CA12: variants seen among roughly 807,000 people sequenced by gnomAD.
CA12 encodes the protein carbonic anhydrase 12.
Under a neutral mutation model 46.8 loss-of-function variants are expected in CA12, and 36 were observed. The observed-to-expected ratio is 0.77, with a 90% CI of 0.59 to 1.02. The LOEUF is 1.02. CA12 is among the 50% of genes least tolerant of loss of function. The pLI is 0.00. For synonymous variants in CA12, 202 were observed against 187.0 expected, an observed-to-expected ratio of 1.08 and a Z score of -0.65; for missense variants, 436 against 451.4, an observed-to-expected ratio of 0.97 and a Z score of 0.31.
intron 2 of CA12, among the ~76,000 whole-genome samples, chr15:63,358,542 A>G (rs2039320518): frequency 6.6e-6 from 1 of 152,146 alleles, no homozygotes; most frequent in Admixed American, 6.5e-5. Flanking sequence ...CTGGCTGACA[A>G]AAAAATGCTC....
chr15:63,356,837 G>T (rs375037068), intron 2 of CA12, among the ~76,000 whole-genome samples: 1 of 152,162 alleles, frequency 6.6e-6, no homozygotes, highest in Non-Finnish European at 1.5e-5. Flanking sequence ...CCTAGATATA[G>T]ATCCCAAAGT....
chr15:63,357,354 G>T (rs1378289167), intron 2 of CA12, among the ~76,000 whole-genome samples: 1 of 152,136 alleles, frequency 6.6e-6, no homozygotes, highest in Admixed American at 6.6e-5. Context: ...GCTGCTGCTG[G>T]GTCCAGGAAC....
rs1032621953 is a variant in CA12 at position 63,331,005 on chromosome 15, T to G, written c.875-2875A>C. Among the ~76,000 whole-genome samples the G allele has an allele frequency of 6.6e-6, 1 of 152,156 alleles. No homozygotes were observed. The highest frequency in any genetic ancestry group is 6.5e-5 in the Admixed American group (1 of 15,274). On this transcript the variant is annotated intron_variant, in intron 8 of 10. Transcript: ENST00000178638. The surrounding 1 kb of genome is among the most constrained non-coding windows in gnomAD (Gnocchi z 5.3). ...TGACTGAGCCAACATCATAAGCTGTTAAGGAAGAGGAATGCCGGCGAGGGT... is the reference window on the plus strand; with the variant it reads ...TGACTGAGCCAACATCATAAGCTGTGAAGGAAGAGGAATGCCGGCGAGGGT...
chr15:63,345,674 A>T lies in CA12; in HGVS notation c.287-55T>A. 2 of 1,581,700 alleles carry T rather than the reference A, an allele frequency of 1.3e-6. No homozygotes were observed. Among genetic ancestry groups the T allele is most frequent in the Non-Finnish European group, 1.7e-6 (2 of 1,169,128 alleles). The stretch of plus-strand genomic sequence containing the variant: ...GCCCCGGCCAGCTGTGCACTGCCAG[A>T]GAGCAGTCAGGTAGGCAATGCTCCC... On this transcript the variant is annotated intron_variant, in intron 3 of 10. Coordinates refer to ENST00000178638, the MANE Select transcript of CA12 (RefSeq NM_001218.5). This position sits in a 1 kb window ranked among gnomAD's most constrained non-coding sequence, Gnocchi z 4.3.
chr15:63,340,255 G>A lies in CA12; in HGVS notation c.747+33C>T, dbSNP rs201409096. 1.2e-6 allele frequency: 2 copies of A among 1,613,220 alleles called. No homozygotes were observed. Among genetic ancestry groups the A allele is most frequent in the Non-Finnish European group, 1.7e-6 (2 of 1,179,220 alleles). ...AGGATGATGGGGACTGAGGTGCCGC[G>A]TGGACTCTGGCTGAGTCTGGCACGA... On this transcript the variant is annotated intron_variant, in intron 7 of 10. Coordinates refer to ENST00000178638, the MANE Select transcript of CA12 (RefSeq NM_001218.5). The surrounding 1 kb of genome is among the most constrained non-coding windows in gnomAD (Gnocchi z 4.4).
At chr15:63,357,614 C>T (rs945510671) in intron 2 of CA12, among the ~76,000 whole-genome samples, 7 of 151,946 alleles carry the variant, frequency 4.6e-5, no homozygotes, top group Non-Finnish European at 8.8e-5. Context: ...AGAGTCAGGG[C>T]CTTTTTCTCT....
chr15:63,333,296 C>A (rs776769645), intron 8 of CA12, among the ~76,000 whole-genome samples: 1 of 152,264 alleles, frequency 6.6e-6, no homozygotes, highest in South Asian at 2.1e-4. Context: ...GTCTGCCCAG[C>A]CCCTTTTCCC....
chr15:63,375,535 C>T (rs949437295), intron 2 of CA12, 123 bp downstream of exon 2: 123 of 690,540 alleles, frequency 1.8e-4, no homozygotes, highest in Admixed American at 7.5e-5. Context: ...TTCTACAATA[C>T]AAGAACTGTG....
chr15:63,333,216 A>G (rs1254889124), intron 8 of CA12, among the ~76,000 whole-genome samples: 2 of 152,224 alleles, frequency 1.3e-5, no homozygotes, highest in East Asian at 3.8e-4. Flanking sequence ...CTAAGAGGGC[A>G]GGGATGGGGC....
In CA12 at chr15:63,381,736, CG is replaced by C. The variant is rs1372329417; in HGVS notation, c.-17del. 14 of 1,560,884 alleles carry C rather than the reference CG, an allele frequency of 9.0e-6. No homozygotes were observed. In the South Asian group the frequency reaches 1.5e-4, roughly 17 times the overall value. ...GCCGGGGCATCTTCGCGGGCTCCTG[CG>C]GGGCGGGCGCGGGCTGTGCCGGGGG... is the stretch of plus-strand genomic sequence containing the variant. On this transcript the variant is annotated 5_prime_UTR_variant, in exon 1 of 11. Transcript: ENST00000178638.
Position 63,328,873 on chromosome 15 carries a change from G to A in CA12, c.875-743C>T, listed in dbSNP as rs1474075679. Among the ~76,000 whole-genome samples the A allele has an allele frequency of 6.6e-6, 1 of 152,066 alleles. No homozygotes were observed. Among genetic ancestry groups the A allele is most frequent in the African/African-American group, 2.4e-5 (1 of 41,380 alleles). ...GCACCACAACGCTTGGCTAATTTTT[G>A]TATTTTTAGTAGAGATGGGGTTTTG... On this transcript the variant is annotated intron_variant, in intron 8 of 10. Coordinates refer to ENST00000178638, the MANE Select transcript of CA12 (RefSeq NM_001218.5). The surrounding 1 kb of genome is among the most constrained non-coding windows in gnomAD (Gnocchi z 5.9).
In CA12 at chr15:63,326,241, C is replaced by T. The variant is rs748604832; in HGVS notation, c.*44G>A. On this transcript the variant is annotated 3_prime_UTR_variant, in exon 11 of 11. Transcript: ENST00000178638. The stretch of plus-strand genomic sequence containing the variant: ...CCAGAGAGCCGAAGTGTGTAGGGTC[C>T]AAAGCAAGGTCCTTCCTGGATGTGC... 1 of 1,502,728 alleles carries T rather than the reference C, an allele frequency of 6.7e-7. No homozygotes were observed. Among genetic ancestry groups the T allele is most frequent in the Non-Finnish European group, 9.3e-7 (1 of 1,078,680 alleles). 93.1% of individuals were successfully genotyped at this position (1,502,728 alleles called of 1,614,324 possible). A position where few individuals can be genotyped will look rare whatever the true frequency, so the allele number is the denominator to read the frequency against.
At chr15:63,368,843 T>G (rs978921117) in intron 2 of CA12, among the ~76,000 whole-genome samples, 3 of 148,636 alleles carry the variant, frequency 2.0e-5, no homozygotes, top group African/African-American at 5.0e-5. Flanking sequence ...GAGGCTAGGC[T>G]GGTGTCAATC....
chr15:63,355,973 T>G lies in CA12; in HGVS notation c.107-9264A>C, dbSNP rs1255822849. 6.6e-6 allele frequency among the ~76,000 whole-genome samples: 1 copy of G among 152,230 alleles called. No homozygotes were observed. Among genetic ancestry groups the G allele is most frequent in the Non-Finnish European group, 1.5e-5 (1 of 68,034 alleles). The stretch of plus-strand genomic sequence containing the variant: ...AGAAAGGACTACAGATACCGTCTTT[T>G]TCATGCACTGTTATATGCATAACAT... On this transcript the variant is annotated intron_variant, in intron 2 of 10. Transcript: ENST00000178638. This position sits in a 1 kb window ranked among gnomAD's most constrained non-coding sequence, Gnocchi z 4.1.
At chr15:63,333,511 G>A (rs571100736) in intron 8 of CA12, among the ~76,000 whole-genome samples, 16 of 152,358 alleles carry the variant, frequency 1.1e-4, no homozygotes, top group Non-Finnish European at 7.3e-5. Flanking sequence ...CCAGACCAGC[G>A]ACTGAAGGTG....
chr15:63,361,862 T>A (rs756841737), intron 2 of CA12, among the ~76,000 whole-genome samples: 3 of 152,216 alleles, frequency 2.0e-5, no homozygotes, highest in Non-Finnish European at 2.9e-5. Flanking sequence ...GTGTTAGATG[T>A]TCCTTTTAGG....
rs1240889539 is a variant in CA12, at chr15:63,325,701, G to A, written c.*584C>T. The A allele has an allele frequency of 5.7e-6, 1 of 176,120 alleles. No individual in the cohort carries two copies. Among genetic ancestry groups the A allele is most frequent in the Non-Finnish European group, 1.2e-5 (1 of 80,970 alleles). 10.9% of individuals were successfully genotyped at this position (176,120 alleles called of 1,614,324 possible). ...GAAAGTGTCCCTAATATATCACAAT[G>A]TATATCTCTTGTTTTCTTTTTCTCT... is the stretch of plus-strand genomic sequence containing the variant. On this transcript the variant is annotated 3_prime_UTR_variant, in exon 11 of 11. Coordinates refer to ENST00000178638, the MANE Select transcript of CA12 (RefSeq NM_001218.5). The surrounding 1 kb of genome is among the most constrained non-coding windows in gnomAD (Gnocchi z 4.9).
At chr15:63,347,260 C>G (rs1380072033) in intron 2 of CA12, among the ~76,000 whole-genome samples, 1 of 152,190 alleles carries the variant, frequency 6.6e-6, no homozygotes, top group Admixed American at 6.5e-5. Context: ...CAGGCAAAAA[C>G]CACAACTGCT....
chr15:63,375,345 A>G, intron 2 of CA12: 1 of 304,198 alleles, frequency 3.3e-6, no homozygotes, highest in South Asian at 5.2e-5. Flanking sequence ...GGACCCTTGC[A>G]GTCCGGAGGT....
Sources: allele counts gnomAD v4.1 joint callset (sites outside exome capture counted in the v4.1 genomes callset), GRCh38; gene constraint gnomAD v4.1.1; non-coding constraint Gnocchi (gnomAD v3.1); transcripts MANE v1.5; gene names NCBI Gene and HGNC (gene_info 2026-07-23, HGNC 2026-07-21).